ADCY1: variants seen among roughly 807,000 people sequenced by gnomAD.
The protein encoded by ADCY1 is adenylate cyclase 1.
ADCY1 carries 28 observed loss-of-function variants against 105.4 expected under a neutral mutation model. The observed-to-expected ratio is 0.27, with a 90% CI of 0.20 to 0.36. The LOEUF (loss-of-function observed/expected upper bound fraction) is 0.36. ADCY1 is among the 10% of genes least tolerant of loss of function. The pLI, the probability that ADCY1 is intolerant of heterozygous loss-of-function variation, is 1.00. For missense variants in ADCY1, 977 were observed against 1,434.2 expected (o/e 0.68, Z 5.15); for synonymous variants, 655 against 623.8 (o/e 1.05, Z -0.75).
At chr7:45,711,910 ATAAATATATTATATATTATAT>A (rs1241372446) in intron 19 of ADCY1, among the ~76,000 whole-genome samples, 1 of 97,428 alleles carries the variant, frequency 1.0e-5, no homozygotes, top group African/African-American at 4.2e-5. Context: ...TATTAAATAT[ATAAATATATTATATATTATAT>A]TAAATATATA....
intron 3 of ADCY1, among the ~76,000 whole-genome samples, chr7:45,616,866 G>C (rs951156317): frequency 2.6e-5 from 4 of 152,170 alleles, no homozygotes; most frequent in Non-Finnish European, 4.4e-5. Context: ...TAAATGGAAA[G>C]GGGAAAACTA....
At chr7:45,588,250 T>C (rs1792788929) in intron 1 of ADCY1, among the ~76,000 whole-genome samples, 1 of 152,112 alleles carries the variant, frequency 6.6e-6, no homozygotes, top group African/African-American at 2.4e-5. Context: ...TGTGTGTGCG[T>C]GTGTGTGTGA....
At chr7:45,639,113 C>G (rs1268789356) in intron 4 of ADCY1, among the ~76,000 whole-genome samples, 4 of 152,302 alleles carry the variant, frequency 2.6e-5, no homozygotes, top group African/African-American at 9.6e-5. Context: ...ACATATCTTT[C>G]TCTATGAAGG....
chr7:45,675,992 C>T (rs949749601), intron 8 of ADCY1, among the ~76,000 whole-genome samples: 28 of 151,662 alleles, frequency 1.8e-4, no homozygotes, highest in African/African-American at 6.8e-4. Flanking sequence ...ACTCTGATGA[C>T]ATGAATGAAT....
chr7:45,704,488 A>G (rs748749021), intron 16 of ADCY1, 30 bp from the exon 17 acceptor site: 36 of 1,595,384 alleles, frequency 2.3e-5, no homozygotes, highest in Non-Finnish European at 2.8e-5. Context: ...ATGTTATGTC[A>G]TGTTTAACAG....
intron 5 of ADCY1, among the ~76,000 whole-genome samples, chr7:45,656,446 T>C (rs964744426): frequency 2.0e-5 from 3 of 152,254 alleles, no homozygotes; most frequent in Non-Finnish European, 2.9e-5. Flanking sequence ...CTGGGACTTG[T>C]GTGATTCTGT....
chr7:45,697,969 TGAACTC>T (rs558954650), intron 14 of ADCY1, among the ~76,000 whole-genome samples: 1 of 152,290 alleles, frequency 6.6e-6, no homozygotes, highest in Non-Finnish European at 1.5e-5. Context: ...CTCCAGCTCA[TGAACTC>T]CAATTCCCCC....
chr7:45,648,403 G>A (rs1050195156), intron 4 of ADCY1, among the ~76,000 whole-genome samples: 1 of 152,274 alleles, frequency 6.6e-6, no homozygotes, highest in Non-Finnish European at 1.5e-5. Flanking sequence ...CAGTGAAGCA[G>A]ACAGGAGGGA....
At chr7:45,611,485 G>C (rs193066870) in intron 3 of ADCY1, among the ~76,000 whole-genome samples, 52 of 152,224 alleles carry the variant, frequency 3.4e-4, no homozygotes, top group African/African-American at 1.3e-3. Flanking sequence ...CATTATGCTA[G>C]TTGTTGCTGG....
intron 2 of ADCY1, among the ~76,000 whole-genome samples, chr7:45,609,750 C>A (rs1793479738): frequency 1.3e-5 from 2 of 152,128 alleles, no homozygotes; most frequent in South Asian, 4.1e-4. Context: ...GTCCTACTTA[C>A]TCCCTCAGTC....
At chr7:45,610,331 G>C (rs1437697392) in intron 2 of ADCY1, 48 bp from the exon 3 acceptor site, 1 of 1,547,930 alleles carries the variant, frequency 6.5e-7, no homozygotes, top group Non-Finnish European at 8.9e-7. Context: ...AGGAGGAGTG[G>C]AGGGAGGGGG....
intron 5 of ADCY1, among the ~76,000 whole-genome samples, chr7:45,656,849 A>C (rs998465757): frequency 3.9e-5 from 6 of 152,192 alleles, no homozygotes; most frequent in Non-Finnish European, 8.8e-5. Flanking sequence ...TAGTATTTCC[A>C]TCCCGGATGG....
At chr7:45,688,942 T>A (rs1562724967) in intron 14 of ADCY1, among the ~76,000 whole-genome samples, 1 of 151,440 alleles carries the variant, frequency 6.6e-6, no homozygotes, top group Non-Finnish European at 1.5e-5. Flanking sequence ...CTACCCGCTG[T>A]CTGTAGATTT....
intron 4 of ADCY1, among the ~76,000 whole-genome samples, chr7:45,631,325 CGTT>C (rs1476629348): frequency 3.9e-5 from 6 of 152,174 alleles, no homozygotes; most frequent in Admixed American, 3.9e-4. Context: ...TGTCAAATAA[CGTT>C]GTCCTTATTA....
chr7:45,669,962 C>G (rs541447162), intron 8 of ADCY1, among the ~76,000 whole-genome samples: 6 of 152,242 alleles, frequency 3.9e-5, no homozygotes, highest in Non-Finnish European at 8.8e-5. Flanking sequence ...GGTTTTACCA[C>G]TAATTGTGAT....
At chr7:45,604,956 A>G (rs1469290742) in intron 2 of ADCY1, among the ~76,000 whole-genome samples, 2 of 152,144 alleles carry the variant, frequency 1.3e-5, no homozygotes, top group Admixed American at 1.3e-4. Flanking sequence ...ATCCATGAAC[A>G]TGGTATGTCT....
At chr7:45,661,855 G>A (rs1192064858) in intron 7 of ADCY1, among the ~76,000 whole-genome samples, 1 of 152,190 alleles carries the variant, frequency 6.6e-6, no homozygotes, top group South Asian at 2.1e-4. Flanking sequence ...AGAATGGAAC[G>A]TTTTGGACGT....
intron 19 of ADCY1, among the ~76,000 whole-genome samples, chr7:45,713,270 T>A (rs1785299612): frequency 6.6e-6 from 1 of 152,104 alleles, no homozygotes; most frequent in African/African-American, 2.4e-5. Context: ...TGGCATGGAG[T>A]GCATGGAGCC....
rs1468226810 is a variant in ADCY1 at position 45,648,777 on chromosome 7, C to T, written c.1128C>T (p.Leu376=). ...DHAHCCVEMG[L]DMIDTITSVA... ...CCCACTGCTGTGTGGAGATGGGACTCGACATGATTGATACCATCACGTAAG... is the reference window on the plus strand; with the variant it reads ...CCCACTGCTGTGTGGAGATGGGACTTGACATGATTGATACCATCACGTAAG... The change falls in exon 5 of 20, where the codon CTC becomes CTT. Residue 376 remains leucine (L), a synonymous_variant. Coordinates refer to ENST00000297323, the MANE Select transcript of ADCY1 (RefSeq NM_021116.4). 2.5e-6 allele frequency: 4 copies of T among 1,613,932 alleles called. No homozygotes were observed. Among genetic ancestry groups the T allele is most frequent in the Non-Finnish European group, 3.4e-6 (4 of 1,179,998 alleles).
Sources: gnomAD v4.1 joint callset for allele counts (sites outside exome capture counted in the v4.1 genomes callset) on GRCh38, gnomAD v4.1.1 for gene constraint, MANE v1.5 for transcripts, NCBI Gene and HGNC (gene_info 2026-07-23, HGNC 2026-07-21) for gene names.